The following MAPK10 variants were observed in gnomAD, a reference collection of about 807,000 sequenced individuals.
The protein encoded by MAPK10 is JNK3 alpha protein kinase.
A neutral mutation model predicts 59.3 loss-of-function variants in MAPK10; 25 were observed. The ratio of observed to expected loss-of-function variants is 0.42; its 90% CI spans 0.31 to 0.59. The LOEUF (loss-of-function observed/expected upper bound fraction) is 0.59. MAPK10 is among the 20% of genes least tolerant of loss of function. MAPK10 has a pLI of 0.15. For missense variants in MAPK10, 351 were observed against 568.9 expected, an observed-to-expected ratio of 0.62 and a Z score of 3.90; for synonymous variants, 190 against 200.5, an observed-to-expected ratio of 0.95 and a Z score of 0.44.
chr4:86,150,723 G>T (rs374209583), intron 4 of MAPK10, among the ~76,000 whole-genome samples: 1 of 152,152 alleles, frequency 6.6e-6, no homozygotes, highest in East Asian at 1.9e-4. Context: ...TTAGCAGGGC[G>T]TGGCAGTGGG....
chr4:86,356,215 G>A (rs55912445), intron 1 of MAPK10, among the ~76,000 whole-genome samples: 2 of 152,144 alleles, frequency 1.3e-5, no homozygotes, highest in Non-Finnish European at 2.9e-5. Context: ...ATGCTTCTCA[G>A]GAGACTGTAT....
At chr4:86,140,504 A>T (rs1231375015) in intron 4 of MAPK10, among the ~76,000 whole-genome samples, 1 of 125,820 alleles carries the variant, frequency 7.9e-6, no homozygotes, top group African/African-American at 3.4e-5. Flanking sequence ...GGACACAGGA[A>T]GGGGAACATC....
At chr4:86,274,899 G>C (rs1359845733) in intron 2 of MAPK10, among the ~76,000 whole-genome samples, 3 of 151,910 alleles carry the variant, frequency 2.0e-5, no homozygotes, top group Admixed American at 6.6e-5. Context: ...CAATTAAATG[G>C]AAGATAAGAA....
intron 2 of MAPK10, among the ~76,000 whole-genome samples, chr4:86,332,247 T>A (rs1360969990): frequency 1.3e-5 from 2 of 152,198 alleles, no homozygotes; most frequent in Admixed American, 1.3e-4. Context: ...AAACTTTAAA[T>A]AAACTTGTTT....
intron 1 of MAPK10, among the ~76,000 whole-genome samples, chr4:86,441,115 A>T (rs1749369274): frequency 6.6e-6 from 1 of 152,228 alleles, no homozygotes; most frequent in South Asian, 2.1e-4. Context: ...ATTAGGTTTC[A>T]TTTGTATAGA....
At chr4:86,306,139 G>A (rs1344883149) in intron 2 of MAPK10, among the ~76,000 whole-genome samples, 5 of 152,094 alleles carry the variant, frequency 3.3e-5, no homozygotes, top group Non-Finnish European at 7.4e-5. Context: ...AGCTAAAAAT[G>A]TTTAAATATT....
intron 4 of MAPK10, among the ~76,000 whole-genome samples, chr4:86,110,106 T>G (rs753166969): frequency 2.0e-5 from 3 of 152,226 alleles, no homozygotes; most frequent in Non-Finnish European, 2.9e-5. Context: ...TTTAAATTTC[T>G]TGTAGACTCT....
intron 13 of MAPK10, chr4:86,026,533 T>C (rs1252746502): frequency 6.6e-6 from 1 of 152,232 alleles, no homozygotes; most frequent in Non-Finnish European, 1.5e-5. Flanking sequence ...TATAAATTAT[T>C]CTGCAAATGC....
intron 1 of MAPK10, among the ~76,000 whole-genome samples, chr4:86,430,973 G>A (rs1579193805): frequency 6.6e-6 from 1 of 151,934 alleles, no homozygotes; most frequent in Admixed American, 6.6e-5. Context: ...AAAACTGACA[G>A]AAACAGGAAT....
At chr4:86,575,106 G>A (rs1323812356) in intron 1 of MAPK10, among the ~76,000 whole-genome samples, 2 of 152,186 alleles carry the variant, frequency 1.3e-5, no homozygotes, top group East Asian at 3.8e-4. Flanking sequence ...AGAGGAAAGA[G>A]AAACTCCCTT....
chr4:86,407,822 T>C (rs1744554793), intron 1 of MAPK10, among the ~76,000 whole-genome samples: 1 of 152,146 alleles, frequency 6.6e-6, no homozygotes, highest in Non-Finnish European at 1.5e-5. Context: ...TGGTGAAGAA[T>C]ATCAATTAGT....
intron 4 of MAPK10, among the ~76,000 whole-genome samples, chr4:86,119,207 G>C (rs1228163524): frequency 6.6e-6 from 1 of 152,126 alleles, no homozygotes; most frequent in Non-Finnish European, 1.5e-5. Flanking sequence ...AAGTATAAAA[G>C]TAGGCTTATC....
At chr4:86,190,790 T>C (rs1018760184) in intron 3 of MAPK10, among the ~76,000 whole-genome samples, 95 of 152,336 alleles carry the variant, frequency 6.2e-4, no homozygotes, top group East Asian at 1.9e-3. Flanking sequence ...CTGCTATCTT[T>C]TGAAATTGTT....
chr4:86,235,004 G>T (rs1194524622), intron 2 of MAPK10, among the ~76,000 whole-genome samples: 6 of 151,944 alleles, frequency 3.9e-5, no homozygotes, highest in Non-Finnish European at 5.9e-5. Context: ...CTTTACCCTT[G>T]TGCTACATTC....
chr4:86,555,362 C>T (rs941235540), intron 1 of MAPK10, among the ~76,000 whole-genome samples: 10 of 152,166 alleles, frequency 6.6e-5, no homozygotes, highest in African/African-American at 2.2e-4. Context: ...AGGAGAATTG[C>T]TTGAACCTAG....
rs146113479 is a variant in MAPK10, at chr4:86,311,280, C to T, written c.-7+43250G>A. 2.6e-4 allele frequency among the ~76,000 whole-genome samples: 39 copies of T among 152,162 alleles called. No homozygotes were observed. In the East Asian group the frequency reaches 7.4e-3, roughly 29 times the overall value. On this transcript the variant is annotated intron_variant, in intron 2 of 13. Transcript: ENST00000641462. ...TTATAAACCACAAATCCTAGGCTCT[C>T]GTCTTATTATTCATTAGTTTTATAG... is the stretch of plus-strand genomic sequence containing the variant.
intron 2 of MAPK10, among the ~76,000 whole-genome samples, chr4:86,232,530 C>T (rs1223625316): frequency 3.3e-5 from 5 of 152,100 alleles, no homozygotes; most frequent in Non-Finnish European, 5.9e-5. Flanking sequence ...CTCACCACCA[C>T]GCCCAGCTAA....
chr4:86,464,658 A>G (rs1314868208), intron 1 of MAPK10, among the ~76,000 whole-genome samples: 1 of 152,076 alleles, frequency 6.6e-6, no homozygotes, highest in Non-Finnish European at 1.5e-5. Flanking sequence ...CGTCTCTACT[A>G]AAGTACAAAA....
chr4:86,184,027 A>C (rs2077555502), intron 3 of MAPK10, among the ~76,000 whole-genome samples: 1 of 152,220 alleles, frequency 6.6e-6, no homozygotes, highest in South Asian at 2.1e-4. Flanking sequence ...TTCATTGTAG[A>C]TTCTGGATAT....
Sources: allele counts gnomAD v4.1 joint callset (sites outside exome capture counted in the v4.1 genomes callset), GRCh38; gene constraint gnomAD v4.1.1; transcripts MANE v1.5; gene names NCBI Gene and HGNC (gene_info 2026-07-23, HGNC 2026-07-21).